MEGF11: variants seen among roughly 807,000 people sequenced by gnomAD.
MEGF11 encodes the protein multiple EGF like domains 11, also known as multiple epidermal growth factor-like domains protein 11.
A neutral mutation model predicts 146.6 loss-of-function variants in MEGF11; 126 were observed. The ratio of observed to expected loss-of-function variants is 0.86; its 90% confidence interval spans 0.74 to 1.00. MEGF11 has a LOEUF of 1.00. Ranked by LOEUF, MEGF11 falls within the 50% of genes least tolerant of loss-of-function variation. MEGF11 has a pLI of 0.00. For missense variants in MEGF11, 1,509 were observed against 1,521.2 expected, an observed-to-expected ratio of 0.99 and a Z score of 0.13; for synonymous variants, 532 against 583.4, an observed-to-expected ratio of 0.91 and a Z score of 1.27.
chr15:66,030,328 C>G (rs2083472830), intron 5 of MEGF11, among the ~76,000 whole-genome samples: 1 of 152,228 alleles, frequency 6.6e-6, no homozygotes, highest in African/African-American at 2.4e-5. Flanking sequence ...CATGCTATGT[C>G]AATACACATG....
intron 1 of MEGF11, among the ~76,000 whole-genome samples, chr15:66,152,780 G>T (rs983131952): frequency 6.6e-6 from 1 of 152,246 alleles, no homozygotes; most frequent in Non-Finnish European, 1.5e-5. Context: ...GCAGTGGGTG[G>T]CCAGCACGCT....
chr15:65,947,730 C>T (rs2080249295), intron 10 of MEGF11, among the ~76,000 whole-genome samples: 1 of 152,186 alleles, frequency 6.6e-6, no homozygotes, highest in Non-Finnish European at 1.5e-5. Context: ...CCAGCAGAAG[C>T]CCCATCTATG....
Position 65,970,641 on chromosome 15 carries a change from A to G in MEGF11, c.811T>C (p.Cys271Arg). 1 of 1,613,530 alleles carries G rather than the reference A, an allele frequency of 6.2e-7. No homozygotes were observed. The highest frequency in any genetic ancestry group is 8.5e-7 in the Non-Finnish European group (1 of 1,179,684). The change falls in exon 8 of 26, where the codon TGC becomes CGC. Residue 271 changes from cysteine (C) to arginine (R), a missense_variant. Coordinates refer to ENST00000395614, the MANE Select transcript of MEGF11 (RefSeq NM_001385028.1). ...TGGTGGCAAGGACAATCCTGGCTGCAGTTCTGGCCAAATGTCCCTGGTGGG... is the reference window on the plus strand; with the variant it reads ...TGGTGGCAAGGACAATCCTGGCTGCGGTTCTGGCCAAATGTCCCTGGTGGG... ...PCPPGTFGQN[C>R]SQDCPCHHGG...
At chr15:65,904,143 A>G (rs1302657434) in intron 24 of MEGF11, among the ~76,000 whole-genome samples, 1 of 152,220 alleles carries the variant, frequency 6.6e-6, no homozygotes, top group Non-Finnish European at 1.5e-5. Flanking sequence ...AACACAGTGC[A>G]TAGGAAAGTT....
rs1340388730 is a variant in MEGF11 at position 65,955,780 on chromosome 15, A to G, written c.1287+1767T>C. On this transcript the variant is annotated intron_variant, in intron 10 of 25. Transcript: ENST00000395614. ...AAAAAAAATATATATATATATATAT[A>G]TATATATATATATACACACACACAC... Among the ~76,000 whole-genome samples the G allele has an allele frequency of 5.9e-5, 2 of 33,816 alleles. 1 individual carries two copies. The highest frequency in any genetic ancestry group is 1.6e-4 in the African/African-American group (2 of 12,174). The allele number at this position is 33,816 out of a possible 152,430, so 22.2% of individuals were successfully genotyped here.
At chr15:66,157,191 A>G (rs1262838412) in intron 1 of MEGF11, among the ~76,000 whole-genome samples, 1 of 152,172 alleles carries the variant, frequency 6.6e-6, no homozygotes, top group Non-Finnish European at 1.5e-5. Context: ...CACACGGACA[A>G]CAGTACCTAG....
At position 66,119,170 on chromosome 15, in the gene MEGF11, C is replaced by T. The variant is rs758443248; in HGVS notation, c.217G>A (p.Ala73Thr). The change falls in exon 4 of 26, where the codon GCG becomes ACG. Residue 73 changes from alanine to threonine, a missense_variant. Physicochemically the swap from Ala to Thr is moderately conservative, Grantham distance 58. Transcript: ENST00000395614. ...CTRHRISYKT[A>T]YRRGLRTMYR... Reference sequence around the variant, plus strand: ...ATGGTCCGGAGGCCTCTCCGATACGCCGTCTTATAACTGATCCTAAGGCAC... The same window carrying T: ...ATGGTCCGGAGGCCTCTCCGATACGTCGTCTTATAACTGATCCTAAGGCAC... The T allele has an allele frequency of 2.6e-6, 4 of 1,551,166 alleles. No individual in the cohort carries two copies. The South Asian group carries it at 3.6e-5, about 14-fold the overall frequency.
intron 1 of MEGF11, among the ~76,000 whole-genome samples, chr15:66,147,704 T>C (rs2089424969): frequency 6.6e-6 from 1 of 152,102 alleles, no homozygotes; most frequent in South Asian, 2.1e-4. Context: ...GGAACAGAGT[T>C]TGAGGAAGCA....
chr15:66,067,972 C>T (rs189140039), intron 5 of MEGF11, among the ~76,000 whole-genome samples: 1 of 152,338 alleles, frequency 6.6e-6, no homozygotes, highest in African/African-American at 2.4e-5. Context: ...CCACCACTTA[C>T]TAGCTGTGTG....
At chr15:66,013,987 A>T (rs187686472) in intron 5 of MEGF11, among the ~76,000 whole-genome samples, 2 of 152,294 alleles carry the variant, frequency 1.3e-5, no homozygotes, top group Admixed American at 1.3e-4. Flanking sequence ...GGCTTTGAGC[A>T]GAGGAGGGCC....
intron 13 of MEGF11, among the ~76,000 whole-genome samples, chr15:65,923,640 T>C (rs1453192098): frequency 6.6e-6 from 1 of 152,250 alleles, no homozygotes; most frequent in African/African-American, 2.4e-5. Flanking sequence ...GTTTTCTCTG[T>C]ACTATGATGT....
chr15:66,169,806 G>A (rs1597132881), intron 1 of MEGF11, among the ~76,000 whole-genome samples: 1 of 152,272 alleles, frequency 6.6e-6, no homozygotes, highest in South Asian at 2.1e-4. Flanking sequence ...CTTCCTACCC[G>A]CAGGCGGAGC....
At chr15:66,127,776 C>T (rs543927881) in intron 2 of MEGF11, among the ~76,000 whole-genome samples, 247 of 152,306 alleles carry the variant, frequency 1.6e-3, no homozygotes, top group African/African-American at 5.6e-3. Context: ...CCCGCTCTTC[C>T]GCTGCAGCTT....
intron 7 of MEGF11, among the ~76,000 whole-genome samples, chr15:65,980,268 C>T (rs2081586373): frequency 6.6e-6 from 1 of 152,180 alleles, no homozygotes; most frequent in South Asian, 2.1e-4. Flanking sequence ...TTGCTTCAGA[C>T]CACACAGCAC....
intron 5 of MEGF11, among the ~76,000 whole-genome samples, chr15:66,093,869 G>C (rs2086422917): frequency 6.6e-6 from 1 of 152,080 alleles, no homozygotes; most frequent in Non-Finnish European, 1.5e-5. Context: ...TGGAGAAGGT[G>C]AACCATCCAC....
At chr15:66,151,183 G>A (rs1242513382) in intron 1 of MEGF11, among the ~76,000 whole-genome samples, 2 of 152,182 alleles carry the variant, frequency 1.3e-5, no homozygotes, top group Non-Finnish European at 2.9e-5. Flanking sequence ...AACACAGGCT[G>A]CATGCGGAAA....
intron 1 of MEGF11, among the ~76,000 whole-genome samples, chr15:66,223,194 C>G (rs1024983342): frequency 6.6e-6 from 1 of 152,116 alleles, no homozygotes; most frequent in Admixed American, 6.6e-5. Flanking sequence ...CATGCTACAA[C>G]ACGGATGGAC....
At chr15:66,066,030 TC>T (rs1159145689) in intron 5 of MEGF11, among the ~76,000 whole-genome samples, 1 of 152,120 alleles carries the variant, frequency 6.6e-6, no homozygotes, top group African/African-American at 2.4e-5. Context: ...TTCATCCATC[TC>T]CCAGTTCATA....
At chr15:65,945,790 C>T (rs1217363067) in intron 10 of MEGF11, among the ~76,000 whole-genome samples, 3 of 152,138 alleles carry the variant, frequency 2.0e-5, no homozygotes, top group Non-Finnish European at 4.4e-5. Context: ...CTGGCTCCAT[C>T]ACCCCCAAGG....
Sources: gnomAD v4.1 joint callset for allele counts (sites outside exome capture counted in the v4.1 genomes callset) on GRCh38, gnomAD v4.1.1 for gene constraint, MANE v1.5 for transcripts, NCBI Gene and HGNC (gene_info 2026-07-23, HGNC 2026-07-21) for gene names.